OSGEP: variants seen among roughly 807,000 people sequenced by gnomAD.
OSGEP encodes the protein tRNA N6-adenosine threonylcarbamoyltransferase.
Under a neutral mutation model 44.1 loss-of-function variants are expected in OSGEP, and 39 were observed. The ratio of observed to expected loss-of-function variants is 0.88; its 90% confidence interval spans 0.69 to 1.16. OSGEP has a LOEUF of 1.16. OSGEP is among the 50% of genes most tolerant of loss of function. The pLI is 0.00. For synonymous variants in OSGEP, 139 were observed against 161.9 expected (o/e 0.86, Z 1.07); for missense variants, 403 against 443.1 (o/e 0.91, Z 0.81).
intron 3 of OSGEP, 88 bp from the exon 4 acceptor site, chr14:20,449,354 T>A: frequency 1.2e-6 from 1 of 800,752 alleles, no homozygotes; most frequent in Non-Finnish European, 2.2e-6. Context: ...AGGATCAACA[T>A]GACCACCAGG....
intron 1 of OSGEP, 45 bp downstream of exon 1, chr14:20,454,524 T>C (rs2139298068): frequency 7.9e-7 from 1 of 1,268,208 alleles, no homozygotes. Context: ...GCTGATTCTG[T>C]GCGGGGAAGT....
rs1213172906 is a variant in OSGEP at position 20,446,599 on chromosome 14, G to C, written c.*641C>G. ...CTACAGATGTGCGCCACCATGCCCA[G>C]ATAATTTTTACATTTTTCAAATAGA... On this transcript the variant is annotated 3_prime_UTR_variant, in exon 11 of 11. Transcript: ENST00000206542. 6.6e-5 allele frequency: 10 copies of C among 152,076 alleles called. No individual in the cohort carries two copies. Among genetic ancestry groups the C allele is most frequent in the Non-Finnish European group, 1.2e-4 (8 of 68,074 alleles). The allele number at this position is 152,076 out of a possible 1,614,324, so 9.4% of individuals were successfully genotyped here. A position where few individuals can be genotyped will look rare whatever the true frequency, so the allele number is the denominator to read the frequency against.
In OSGEP at chr14:20,447,691, C is replaced by G. The variant is rs751915871; in HGVS notation, c.794-1G>C. ...ATCATCTCCTGTAGCCTCACATTACCTACAAAGAGGCAGGGAACAGGATTA... is the reference window on the plus strand; with the variant it reads ...ATCATCTCCTGTAGCCTCACATTACGTACAAAGAGGCAGGGAACAGGATTA... On this transcript the variant is annotated splice_acceptor_variant, in intron 8 of 10. Transcript: ENST00000206542. LOFTEE classifies it high-confidence loss of function. The G allele has an allele frequency of 1.2e-6, 2 of 1,612,194 alleles. No homozygotes were observed. The highest frequency in any genetic ancestry group is 2.2e-5 in the South Asian group (2 of 91,008).
At chr14:20,450,544 T>C (rs1881067858) in intron 3 of OSGEP, 1 of 152,220 alleles carries the variant, frequency 6.6e-6, no homozygotes, top group African/African-American at 2.4e-5. Context: ...TCAACTCTTG[T>C]AGCCTCCATT....
rs1880964987 is a variant in OSGEP, at chr14:20,447,049, C to T, written c.*191G>A. On this transcript the variant is annotated 3_prime_UTR_variant, in exon 11 of 11. Transcript: ENST00000206542. ...TTGGTCCTGAACAACACAATCCAAT[C>T]ACCAACATACAAAACCAAAAAACCA... The T allele has an allele frequency of 3.4e-6, 2 of 595,828 alleles. No homozygotes were observed. Among genetic ancestry groups the T allele is most frequent in the East Asian group, 5.4e-5 (2 of 36,968 alleles). 36.9% of individuals were successfully genotyped at this position (595,828 alleles called of 1,614,324 possible).
intron 8 of OSGEP, 39 bp downstream of exon 8, chr14:20,447,865 T>A (rs1566507792): frequency 9.0e-6 from 13 of 1,448,502 alleles, no homozygotes; most frequent in Non-Finnish European, 9.7e-6. Flanking sequence ...CGCATAGTGT[T>A]AAGAATAGGA....
At chr14:20,448,035 C>G (rs1446169991) in intron 7 of OSGEP, 41 bp from the exon 8 acceptor site, 1 of 1,587,556 alleles carries the variant, frequency 6.3e-7, no homozygotes, top group Non-Finnish European at 8.7e-7. Flanking sequence ...GAGGGGCATC[C>G]CAGATTAGTT....
chr14:20,453,221 T>C (rs369498356), intron 1 of OSGEP, among the ~76,000 whole-genome samples: 2 of 152,282 alleles, frequency 1.3e-5, no homozygotes, highest in South Asian at 4.1e-4. Flanking sequence ...TTCTAGTGAG[T>C]ATCTGTCACA....
At chr14:20,450,172 C>G (rs1209309692) in intron 3 of OSGEP, 1 of 152,138 alleles carries the variant, frequency 6.6e-6, no homozygotes, top group African/African-American at 2.4e-5. Flanking sequence ...GCCTCCCAAG[C>G]AGCTGGAATT....
rs566148142 is a variant in OSGEP, at chr14:20,447,258, C to T, written c.990G>A (p.Glu330=). 14 of 1,614,132 alleles carry T rather than the reference C, an allele frequency of 8.7e-6. No homozygotes were observed. In the African/African-American group the frequency reaches 1.7e-4, roughly 20 times the overall value. ...GATCTTATTAGTCCCTCCAGGTCACCTCTACTTCATCTGTCCGATACCTGT... is the reference window on the plus strand; with the variant it reads ...GATCTTATTAGTCCCTCCAGGTCACTTCTACTTCATCTGTCCGATACCTGT... The part of the protein sequence containing the change: ...VTQRYRTDEV[E]VTWRD Residue 330 remains glutamate (E), a synonymous_variant, in exon 11 of 11, where the codon GAG becomes GAA. Transcript: ENST00000206542.
chr14:20,450,694 G>T (rs1351935771), intron 3 of OSGEP: 1 of 152,222 alleles, frequency 6.6e-6, no homozygotes, highest in Non-Finnish European at 1.5e-5. Flanking sequence ...ACCCTTTCAT[G>T]AGCTGGGGAC....
intron 1 of OSGEP, among the ~76,000 whole-genome samples, chr14:20,453,342 T>A (rs1168902462): frequency 1.3e-5 from 2 of 150,656 alleles, no homozygotes; most frequent in Non-Finnish European, 2.9e-5. Flanking sequence ...ATTTAAAATA[T>A]CAATTAAAAG....
In OSGEP at chr14:20,449,222, G is replaced by A. The variant is rs1488531307; in HGVS notation, c.456C>T (p.Thr152=). ...SEHRYRIFGE[T]IDIAVGNCLD... The stretch of plus-strand genomic sequence containing the variant: ...GACAATTACCCACTGCAATATCGAT[G>A]GTTTCCCCAAAGATACGGTAACGAT... Residue 152 remains threonine, a synonymous_variant, in exon 4 of 11, where the codon ACC becomes ACT. Coordinates refer to ENST00000206542, the MANE Select transcript of OSGEP (RefSeq NM_017807.4). 6 of 1,613,368 alleles carry A rather than the reference G, an allele frequency of 3.7e-6. No homozygotes were observed. The highest frequency in any genetic ancestry group is 5.1e-6 in the Non-Finnish European group (6 of 1,179,442).
intron 3 of OSGEP, 84 bp from the exon 4 acceptor site, chr14:20,449,350 A>G (rs1881037681): frequency 1.2e-6 from 1 of 820,512 alleles, no homozygotes; most frequent in East Asian, 2.5e-5. Flanking sequence ...GCAGAGGATC[A>G]ACATGACCAC....
rs1881203345 is a variant in OSGEP, at chr14:20,454,436, T to G, written c.115+133A>C. ...GTAACTCTTCTAGTCATCAGCCTTG[T>G]GACGTTAATAATGTCACATAATTTC... On this transcript the variant is annotated intron_variant, in intron 1 of 10. Coordinates refer to ENST00000206542, the MANE Select transcript of OSGEP (RefSeq NM_017807.4). 4 of 772,756 alleles carry G rather than the reference T, an allele frequency of 5.2e-6. No individual in the cohort carries two copies. The East Asian group carries it at 9.8e-5, about 19-fold the overall frequency. The allele number at this position is 772,756 out of a possible 1,614,324, so 47.9% of individuals were successfully genotyped here. A position where few individuals can be genotyped will look rare whatever the true frequency, so the allele number is the denominator to read the frequency against.
Position 20,446,478 on chromosome 14 carries a change from T to A in OSGEP, c.*762A>T, listed in dbSNP as rs1166905343. The A allele has an allele frequency of 1.3e-5, 2 of 152,198 alleles. No homozygotes were observed. The highest frequency in any genetic ancestry group is 4.8e-5 in the African/African-American group (2 of 41,422). 9.4% of individuals were successfully genotyped at this position (152,198 alleles called of 1,614,324 possible). A position where few individuals can be genotyped will look rare whatever the true frequency, so the allele number is the denominator to read the frequency against. On this transcript the variant is annotated 3_prime_UTR_variant, in exon 11 of 11. Coordinates refer to ENST00000206542, the MANE Select transcript of OSGEP (RefSeq NM_017807.4). ...AAGAGACAAGGTTTTGTTCTGTCAC[T>A]CAGGCTGGAATGCAGTGGCTCAATC...
At chr14:20,452,567 GC>G in intron 1 of OSGEP, 119 bp from the exon 2 acceptor site, 1 of 889,418 alleles carries the variant, frequency 1.1e-6, no homozygotes. Context: ...CTTTCCCCAA[GC>G]ATCCTATCTT....
chr14:20,453,009 T>C (rs1038349704), intron 1 of OSGEP, among the ~76,000 whole-genome samples: 7 of 152,138 alleles, frequency 4.6e-5, no homozygotes, highest in African/African-American at 1.7e-4. Flanking sequence ...TGCCTGGCCT[T>C]TGGTGATCTT....
Position 20,447,176 on chromosome 14 carries a change from A to T in OSGEP, c.*64T>A. On this transcript the variant is annotated 3_prime_UTR_variant, in exon 11 of 11. Coordinates refer to ENST00000206542, the MANE Select transcript of OSGEP (RefSeq NM_017807.4). ...GGACTCCCATGACATCAGGATAGAG[A>T]TTGAGGCACGGGGTCCTTTGGGTTC... The T allele has an allele frequency of 7.1e-7, 1 of 1,410,844 alleles. No homozygotes were observed. The highest frequency in any genetic ancestry group is 1.0e-6 in the Non-Finnish European group (1 of 994,844). The allele number at this position is 1,410,844 out of a possible 1,614,324, so 87.4% of individuals were successfully genotyped here. A position where few individuals can be genotyped will look rare whatever the true frequency, so the allele number is the denominator to read the frequency against.
Sources: gnomAD v4.1 joint callset for allele counts (sites outside exome capture counted in the v4.1 genomes callset) on GRCh38, gnomAD v4.1.1 for gene constraint, MANE v1.5 for transcripts, NCBI Gene and HGNC (gene_info 2026-07-23, HGNC 2026-07-21) for gene names.